The following UTRN variants were observed in gnomAD, a reference collection of about 807,000 sequenced individuals.
The protein encoded by UTRN is dystrophin-related protein 1.
Under a neutral mutation model 463.9 loss-of-function variants are expected in UTRN, and 283 were observed. That is an observed-to-expected ratio of 0.61 (90% CI 0.55 to 0.67). The LOEUF is 0.67. UTRN is among the 30% of genes least tolerant of loss of function. UTRN has a pLI of 0.00. For synonymous variants in UTRN, 1,442 were observed against 1,431.5 expected, an observed-to-expected ratio of 1.01 and a Z score of -0.17; for missense variants, 3,922 against 4,084.3, an observed-to-expected ratio of 0.96 and a Z score of 1.08.
At chr6:144,768,627 G>A (rs1793614950) in intron 58 of UTRN, among the ~76,000 whole-genome samples, 1 of 152,156 alleles carries the variant, frequency 6.6e-6, no homozygotes, top group Non-Finnish European at 1.5e-5. Flanking sequence ...ATTTACCTCT[G>A]GATGCAAAGC....
At chr6:144,772,184 C>T (rs1794144804) in intron 59 of UTRN, among the ~76,000 whole-genome samples, 1 of 151,466 alleles carries the variant, frequency 6.6e-6, no homozygotes, top group African/African-American at 2.4e-5. Flanking sequence ...CAGGCGCCCG[C>T]CGCCACTCCC....
At position 144,401,672 on chromosome 6, in the gene UTRN, AT is replaced by A. The variant is rs142001265; in HGVS notation, c.80-1440del. On this transcript the variant is annotated intron_variant, in intron 2 of 74. Coordinates refer to ENST00000367545, the MANE Select transcript of UTRN (RefSeq NM_007124.3). ...TACCTTTATGGATTTGTAAAAGTGC[AT>A]TTTTTTTTTTCTGAAGCTGCTGCTA... is the stretch of plus-strand genomic sequence containing the variant. Among the ~76,000 whole-genome samples, 141 of 145,330 alleles carry A rather than the reference AT, an allele frequency of 9.7e-4. 1 individual carries two copies. Among genetic ancestry groups the A allele is most frequent in the African/African-American group, 2.7e-3 (107 of 39,966 alleles).
intron 2 of UTRN, among the ~76,000 whole-genome samples, chr6:144,392,998 G>GCCAT (rs58099859): frequency 0.035 from 5,195 of 150,162 alleles, 99 homozygotes; most frequent in African/African-American, 0.042. Flanking sequence ...GTGTCCAGCT[G>GCCAT]CCATCCATCC....
intron 46 of UTRN, among the ~76,000 whole-genome samples, chr6:144,546,684 C>T (rs1562554772): frequency 1.3e-5 from 2 of 152,128 alleles, no homozygotes; most frequent in Non-Finnish European, 2.9e-5. Context: ...TGATGCAGGC[C>T]TGTAGTTCCA....
chr6:144,459,315 C>G lies in UTRN; in HGVS notation c.2668C>G (p.Gln890Glu), dbSNP rs1297307313. The G allele has an allele frequency of 6.2e-7, 1 of 1,613,346 alleles. No individual in the cohort carries two copies. Among genetic ancestry groups the G allele is most frequent in the Non-Finnish European group, 8.5e-7 (1 of 1,179,778 alleles). ...DSFLGRYQAV[Q>E]EAVEDRQQHL... ...CTTTCTGGGCCGCTACCAAGCTGTA[C>G]AAGAGGCTGTAGAGGATCGTCAACA... Residue 890 changes from glutamine to glutamate, a missense_variant, in exon 21 of 75, where the codon CAA (glutamine) becomes GAA (glutamate). Physicochemically the swap from Gln to Glu is conservative, Grantham distance 29. This residue lies in a region of UTRN where 2,349 missense variants were observed against 2,303.8 expected (regional missense o/e 1.02). Transcript: ENST00000367545.
At chr6:144,687,649 G>C (rs1052277409) in intron 52 of UTRN, among the ~76,000 whole-genome samples, 1 of 152,104 alleles carries the variant, frequency 6.6e-6, no homozygotes, top group African/African-American at 2.4e-5. Context: ...AGAGGCTACA[G>C]GTAGGATCCA....
chr6:144,381,340 A>G (rs1562319748), intron 2 of UTRN, among the ~76,000 whole-genome samples: 1 of 152,194 alleles, frequency 6.6e-6, no homozygotes, highest in East Asian at 1.9e-4. Context: ...TGTCCCTGCA[A>G]ACAACATGAT....
At chr6:144,622,608 AG>A (rs1438647932) in intron 51 of UTRN, among the ~76,000 whole-genome samples, 1 of 152,258 alleles carries the variant, frequency 6.6e-6, no homozygotes, top group Non-Finnish European at 1.5e-5. Context: ...TTACTATTTT[AG>A]ATGGAATAAT....
At chr6:144,543,671 C>T (rs1474923628) in intron 46 of UTRN, among the ~76,000 whole-genome samples, 1 of 152,104 alleles carries the variant, frequency 6.6e-6, no homozygotes, top group Non-Finnish European at 1.5e-5. Flanking sequence ...CCTCTTCTCT[C>T]GTCCTCCACC....
chr6:144,432,796 A>C (rs1475689929), intron 9 of UTRN, among the ~76,000 whole-genome samples: 1 of 152,084 alleles, frequency 6.6e-6, no homozygotes, highest in African/African-American at 2.4e-5. Flanking sequence ...ACAAGTGAAC[A>C]AAGGTCTCTG....
intron 2 of UTRN, among the ~76,000 whole-genome samples, chr6:144,299,566 A>G (rs529756070): frequency 5.5e-4 from 83 of 152,114 alleles, no homozygotes; most frequent in African/African-American, 1.9e-3. Context: ...CCAGAAGATG[A>G]TACCAATATA....
chr6:144,672,696 C>A (rs1781178092), intron 51 of UTRN, among the ~76,000 whole-genome samples: 1 of 151,952 alleles, frequency 6.6e-6, no homozygotes, highest in South Asian at 2.1e-4. Context: ...TTTGTTATTT[C>A]TTTTCTTCTG....
At chr6:144,725,391 G>C in intron 53 of UTRN, among the ~76,000 whole-genome samples, 1 of 152,174 alleles carries the variant, frequency 6.6e-6, no homozygotes. Context: ...GACTAATACA[G>C]GTTGCAATTT....
At chr6:144,801,785 G>A (rs1456626580) in intron 64 of UTRN, among the ~76,000 whole-genome samples, 1 of 152,130 alleles carries the variant, frequency 6.6e-6, no homozygotes, top group African/African-American at 2.4e-5. Context: ...TGGGCCCTTA[G>A]CTCTGTTTTC....
chr6:144,824,484 CAT>C (rs1326870713), intron 66 of UTRN, among the ~76,000 whole-genome samples: 1 of 137,422 alleles, frequency 7.3e-6, no homozygotes, highest in African/African-American at 2.7e-5. Flanking sequence ...TATATATACA[CAT>C]ATACAATAAA....
intron 51 of UTRN, among the ~76,000 whole-genome samples, chr6:144,643,244 GAGAA>G (rs1351495892): frequency 2.8e-4 from 43 of 152,104 alleles, no homozygotes; most frequent in Admixed American, 2.8e-3. Context: ...TTTAAAACTA[GAGAA>G]AGAGTCATGG....
At chr6:144,811,441 G>C (rs1778603698) in intron 65 of UTRN, among the ~76,000 whole-genome samples, 1 of 152,082 alleles carries the variant, frequency 6.6e-6, no homozygotes, top group Admixed American at 6.6e-5. Context: ...TTCAGCTCCT[G>C]CTCTCCTTAC....
chr6:144,318,835 C>T (rs1016317420), intron 2 of UTRN, among the ~76,000 whole-genome samples: 4 of 152,150 alleles, frequency 2.6e-5, no homozygotes, highest in African/African-American at 2.4e-5. Flanking sequence ...CTTTGGCCGG[C>T]GTAGGCAGGC....
Position 144,720,393 on chromosome 6 carries a change from G to A in UTRN, c.7810-9964G>A, listed in dbSNP as rs79636985. Among the ~76,000 whole-genome samples the A allele has an allele frequency of 6.1e-3, 931 of 152,242 alleles. 32 individuals are homozygous for A. The East Asian group carries it at 0.1, about 17-fold the overall frequency. On this transcript the variant is annotated intron_variant, in intron 53 of 74. Transcript: ENST00000367545. The stretch of plus-strand genomic sequence containing the variant: ...AAGTTGAATAAGCAGCAGTTTATTC[G>A]GCTGCCTGGTGCTCAGAGGCACACC...
Sources: allele counts gnomAD v4.1 joint callset (sites outside exome capture counted in the v4.1 genomes callset), GRCh38; gene constraint gnomAD v4.1.1; regional missense constraint gnomAD v4.1.1; transcripts MANE v1.5; gene names NCBI Gene and HGNC (gene_info 2026-07-23, HGNC 2026-07-21).